KIAA0232: variants seen among roughly 807,000 people sequenced by gnomAD.
KIAA0232 encodes the protein uncharacterized protein KIAA0232.
In KIAA0232, 27 loss-of-function variants were observed where a neutral mutation model predicts 122.0. The ratio of observed to expected loss-of-function variants is 0.22; its 90% CI spans 0.16 to 0.31. The LOEUF is 0.31. Among genes scored for constraint, KIAA0232 ranks in the 10% least tolerant of loss-of-function variants. KIAA0232 has a pLI of 1.00. For missense variants in KIAA0232, 1,551 were observed against 1,634.2 expected (o/e 0.95, Z 0.88); for synonymous variants, 613 against 587.6 (o/e 1.04, Z -0.63).
chr4:6,786,633 C>G (rs551175817), intron 1 of KIAA0232, among the ~76,000 whole-genome samples: 2 of 152,142 alleles, frequency 1.3e-5, no homozygotes, highest in Admixed American at 6.5e-5. Context: ...TAATAAACAT[C>G]GGTGCCCACA....
intron 1 of KIAA0232, among the ~76,000 whole-genome samples, chr4:6,800,673 T>C (rs1287985891): frequency 6.7e-6 from 1 of 149,954 alleles, no homozygotes; most frequent in East Asian, 2.0e-4. Flanking sequence ...AGAGGGAAAC[T>C]CCGTCTCAAA....
chr4:6,853,404 G>A (rs1720398543), intron 4 of KIAA0232, among the ~76,000 whole-genome samples: 1 of 152,198 alleles, frequency 6.6e-6, no homozygotes, highest in Admixed American at 6.5e-5. Flanking sequence ...CAGCTATTAG[G>A]AAATGTGTCC....
chr4:6,843,018 CAT>C (rs1205684874), intron 4 of KIAA0232, among the ~76,000 whole-genome samples: 2 of 152,086 alleles, frequency 1.3e-5, no homozygotes, highest in African/African-American at 4.8e-5. Context: ...ACTGTATTGG[CAT>C]ATGATTTATA....
rs1720845530 is a variant in KIAA0232, at chr4:6,861,312, G to A, written c.930G>A (p.Met310Ile). The A allele has an allele frequency of 6.2e-7, 1 of 1,614,020 alleles. No individual in the cohort carries two copies. Among genetic ancestry groups the A allele is most frequent in the Non-Finnish European group, 8.5e-7 (1 of 1,180,034 alleles). ...ATCAGGGAGAATTAAAAGCATCCATGAAGTATGTTAAAGTAAGACACAAGG... is the reference window on the plus strand; with the variant it reads ...ATCAGGGAGAATTAAAAGCATCCATAAAGTATGTTAAAGTAAGACACAAGG... ...SGNQGELKAS[M>I]KYVKVRHKAR... The change falls in exon 7 of 10, where the codon ATG becomes ATA. Residue 310 changes from methionine to isoleucine, a missense_variant. By Grantham distance (10) the Met-to-Ile change is conservative. This residue lies in a region of KIAA0232 where 377 missense variants were observed against 381.7 expected (regional missense o/e 0.99). Coordinates refer to ENST00000307659, the MANE Select transcript of KIAA0232 (RefSeq NM_014743.3).
intron 3 of KIAA0232, among the ~76,000 whole-genome samples, chr4:6,839,981 C>G (rs1577388554): frequency 6.6e-6 from 1 of 152,260 alleles, no homozygotes; most frequent in Admixed American, 6.5e-5. Context: ...TTACTGAATG[C>G]TCTCCTCAGA....
rs1179124123 is a variant in KIAA0232 at position 6,800,150 on chromosome 4, C to T, written c.-353-4373C>T. ...TCGGCTGACTGCAACCTCCATCTCC[C>T]GGGTTCAAGTGATTCTCCTGCCTCA... is the stretch of plus-strand genomic sequence containing the variant. On this transcript the variant is annotated intron_variant, in intron 1 of 9. Coordinates refer to ENST00000307659, the MANE Select transcript of KIAA0232 (RefSeq NM_014743.3). Among the ~76,000 whole-genome samples, 7 of 121,456 alleles carry T rather than the reference C, an allele frequency of 5.8e-5. 1 individual carries two copies. The highest frequency in any genetic ancestry group is 5.4e-4 in the South Asian group (2 of 3,720). 79.7% of individuals were successfully genotyped at this position (121,456 alleles called of 152,430 possible). A position where few individuals can be genotyped will look rare whatever the true frequency, so the allele number is the denominator to read the frequency against.
intron 9 of KIAA0232, among the ~76,000 whole-genome samples, chr4:6,877,380 G>GAGGC (rs1721815150): frequency 6.6e-6 from 1 of 152,244 alleles, no homozygotes; most frequent in African/African-American, 2.4e-5. Context: ...CCCCGGTTAA[G>GAGGC]AGGCAGGCAG....
chr4:6,802,997 T>C (rs2108931867), intron 1 of KIAA0232, among the ~76,000 whole-genome samples: 1 of 133,736 alleles, frequency 7.5e-6, no homozygotes, highest in East Asian at 2.2e-4. Flanking sequence ...TTGAGCAACA[T>C]ACTCTGTCTT....
intron 9 of KIAA0232, among the ~76,000 whole-genome samples, chr4:6,880,432 C>T (rs1722012904): frequency 6.6e-6 from 1 of 151,928 alleles, no homozygotes; most frequent in Non-Finnish European, 1.5e-5. Context: ...TTTGCTCGTT[C>T]ATCTCCCCAG....
At chr4:6,829,325 C>A (rs1170943742) in intron 3 of KIAA0232, among the ~76,000 whole-genome samples, 1 of 152,130 alleles carries the variant, frequency 6.6e-6, no homozygotes, top group South Asian at 2.1e-4. Flanking sequence ...CCAGGTTTCT[C>A]CTTGTAATGA....
chr4:6,871,678 T>C lies in KIAA0232; in HGVS notation c.3906T>C (p.Cys1302=). The change falls in exon 8 of 10, where the codon TGT becomes TGC. Residue 1302 remains cysteine (C), a synonymous_variant. Coordinates refer to ENST00000307659, the MANE Select transcript of KIAA0232 (RefSeq NM_014743.3). ...CTCCTCTTTTTCCTGCATCAGAGTGTGAAGGTAAGGAGACCTTTGTTAGTT... is the reference window on the plus strand; with the variant it reads ...CTCCTCTTTTTCCTGCATCAGAGTGCGAAGGTAAGGAGACCTTTGTTAGTT... ...LYSPLFPASE[C]EECYTNAKGE... is the part of the protein sequence containing the mutation. 6.3e-7 allele frequency: 1 copy of C among 1,583,702 alleles called. No homozygotes were observed. Among genetic ancestry groups the C allele is most frequent in the Non-Finnish European group, 8.7e-7 (1 of 1,154,146 alleles).
chr4:6,810,509 A>G (rs902929699), intron 2 of KIAA0232, among the ~76,000 whole-genome samples: 7 of 152,222 alleles, frequency 4.6e-5, no homozygotes, highest in Non-Finnish European at 1.0e-4. Context: ...TCTTCTGGAC[A>G]TTGATATAGG....
chr4:6,851,149 A>G (rs947199938), intron 4 of KIAA0232, among the ~76,000 whole-genome samples: 3 of 152,194 alleles, frequency 2.0e-5, no homozygotes, highest in Admixed American at 6.5e-5. Context: ...AACTTTTCTT[A>G]TATGAATTAC....
rs372656220 is a variant in KIAA0232, at chr4:6,863,567, G to A, written c.3185G>A (p.Gly1062Glu). The change falls in exon 7 of 10, where the codon GGG (glycine) becomes GAG (glutamate). Residue 1062 changes from glycine (G) to glutamate (E), a missense_variant. Physicochemically the swap from Gly to Glu is moderately conservative, Grantham distance 98 (BLOSUM62 -2). Around this residue, in one of 5 missense-constraint regions of KIAA0232, gnomAD observed 1,108 missense variants for 1,154.8 expected, o/e 0.96. Coordinates refer to ENST00000307659, the MANE Select transcript of KIAA0232 (RefSeq NM_014743.3). ...LHVECSFEPEGIASFSPSFKP... is the reference protein window; with the variant it reads ...LHVECSFEPEEIASFSPSFKP... ...GTAGAATGCTCATTTGAACCTGAAG[G>A]GATTGCATCTTTCAGCCCCAGTTTT... 24 of 1,613,968 alleles carry A rather than the reference G, an allele frequency of 1.5e-5. No homozygotes were observed. The African/African-American group carries it at 2.8e-4, about 19-fold the overall frequency.
At chr4:6,872,082 G>T (rs758767941) in intron 8 of KIAA0232, among the ~76,000 whole-genome samples, 9 of 152,206 alleles carry the variant, frequency 5.9e-5, no homozygotes, top group Non-Finnish European at 1.2e-4. Context: ...GACAGACAGG[G>T]CAGGAGCCTG....
In KIAA0232 at chr4:6,861,873, C is replaced by T. The variant is rs1720888280; in HGVS notation, c.1491C>T (p.Tyr497=). The change falls in exon 7 of 10, where the codon TAC becomes TAT. Residue 497 remains tyrosine (Y), a synonymous_variant. Transcript: ENST00000307659. ...SLCSLPEDNK[Y]LDDIHLSELT... ...GTTCTCTACCAGAGGACAATAAATA[C>T]CTGGATGATATTCATCTATCAGAAT... 2 of 1,614,018 alleles carry T rather than the reference C, an allele frequency of 1.2e-6. No homozygotes were observed. The highest frequency in any genetic ancestry group is 2.2e-5 in the East Asian group (1 of 44,886).
intron 9 of KIAA0232, among the ~76,000 whole-genome samples, chr4:6,879,887 G>GCC (rs745319769): frequency 8.6e-4 from 57 of 66,464 alleles, no homozygotes; most frequent in East Asian, 3.5e-3. Context: ...GGTCTGCAGT[G>GCC]TCCCCTCACC....
At chr4:6,845,168 T>C (rs1719885145) in intron 4 of KIAA0232, among the ~76,000 whole-genome samples, 1 of 152,162 alleles carries the variant, frequency 6.6e-6, no homozygotes, top group Non-Finnish European at 1.5e-5. Flanking sequence ...GAGAATCTGA[T>C]TGGCTGGGCT....
chr4:6,784,220 A>G (rs1716505752), intron 1 of KIAA0232, among the ~76,000 whole-genome samples: 1 of 152,002 alleles, frequency 6.6e-6, no homozygotes, highest in African/African-American at 2.4e-5. Flanking sequence ...TTACTGTTCA[A>G]GTTCCTAAGA....
Sources: gnomAD v4.1 joint callset for allele counts (sites outside exome capture counted in the v4.1 genomes callset) on GRCh38, gnomAD v4.1.1 for gene constraint, gnomAD v4.1.1 regional missense constraint, MANE v1.5 for transcripts, NCBI Gene and HGNC (gene_info 2026-07-23, HGNC 2026-07-21) for gene names.